Variants in CNGA1 observed in about 807,000 individuals in gnomAD.
The protein encoded by CNGA1 is cyclic nucleotide gated channel subunit alpha 1.
Under a neutral mutation model 69.7 loss-of-function variants are expected in CNGA1, and 53 were observed. The observed-to-expected ratio is 0.76, with a 90% confidence interval of 0.61 to 0.96. The LOEUF (loss-of-function observed/expected upper bound fraction) is 0.96, where lower values mean the gene tolerates loss of function less well. CNGA1 is among the 40% of genes least tolerant of loss of function. CNGA1 has a pLI of 0.00. For synonymous variants in CNGA1, 249 were observed against 283.5 expected, an observed-to-expected ratio of 0.88 and a Z score of 1.22; for missense variants, 739 against 811.2, an observed-to-expected ratio of 0.91 and a Z score of 1.08.
At chr4:47,956,453 G>C (rs1231419173) in intron 3 of CNGA1, among the ~76,000 whole-genome samples, 1 of 152,190 alleles carries the variant, frequency 6.6e-6, no homozygotes. Context: ...GGTTACAAGA[G>C]AGGAAGAAAC....
At position 47,949,888 on chromosome 4, in the gene CNGA1, A is replaced by ACTG; in HGVS notation, c.229_231dup (p.Gln77dup). 6.2e-7 allele frequency: 1 copy of ACTG among 1,614,020 alleles called. No individual in the cohort carries two copies. Among genetic ancestry groups the ACTG allele is most frequent in the South Asian group, 1.1e-5 (1 of 91,080 alleles). On this transcript the variant is annotated inframe_insertion, in exon 6 of 11. Coordinates refer to ENST00000514170, the MANE Select transcript of CNGA1 (RefSeq NM_001379270.1). The stretch of plus-strand genomic sequence containing the variant: ...AAAAGTGCAATGGCACCAGGCAGGT[A>ACTG]CTGCTCCCTGGGAAATGAAAAACAT...
At chr4:47,939,018 AAGAAAGAAAGAAAG>A (rs1260825420) in intron 10 of CNGA1, among the ~76,000 whole-genome samples, 10 of 147,036 alleles carry the variant, frequency 6.8e-5, no homozygotes, top group African/African-American at 2.2e-4. Context: ...AAAGAGAAAG[AAGAAAGAAAGAAAG>A]AGAAAGAAAG....
chr4:47,941,840 G>T (rs1289334886), intron 9 of CNGA1, among the ~76,000 whole-genome samples: 1 of 152,050 alleles, frequency 6.6e-6, no homozygotes, highest in East Asian at 1.9e-4. Context: ...CAGTACTGCA[G>T]ACCCAATTAT....
intron 2 of CNGA1, among the ~76,000 whole-genome samples, chr4:47,992,904 A>T (rs1386992643): frequency 1.3e-5 from 2 of 151,892 alleles, no homozygotes; most frequent in African/African-American, 4.8e-5. Context: ...TCATAAAAGG[A>T]TGTTGGATTT....
At position 47,946,083 on chromosome 4, in the gene CNGA1, C is replaced by G. The variant is rs566287372; in HGVS notation, c.288-2671G>C. The stretch of plus-strand genomic sequence containing the variant: ...AGAGGTGTAAGACCGAGGAGAAGCC[C>G]TTAAGCTGCTTCCCACCTTCTGGCC... On this transcript the variant is annotated intron_variant, in intron 6 of 10. Coordinates refer to ENST00000514170, the MANE Select transcript of CNGA1 (RefSeq NM_001379270.1). 1.4e-3 allele frequency among the ~76,000 whole-genome samples: 207 copies of G among 152,262 alleles called. 1 individual carries two copies. Among genetic ancestry groups the G allele is most frequent in the Non-Finnish European group, 2.3e-3 (159 of 68,016 alleles).
intron 9 of CNGA1, 60 bp from the exon 10 acceptor site, chr4:47,940,929 G>A: frequency 1.8e-6 from 2 of 1,101,116 alleles, no homozygotes; most frequent in Non-Finnish European, 2.8e-6. Context: ...TTAAGTAAAA[G>A]TTCTCTTTGT....
At chr4:47,938,274 A>G (rs549386604) in intron 10 of CNGA1, among the ~76,000 whole-genome samples, 2 of 152,126 alleles carry the variant, frequency 1.3e-5, no homozygotes, top group South Asian at 4.2e-4. Context: ...ATCCAGGTAA[A>G]GCCATTCCTT....
intron 3 of CNGA1, among the ~76,000 whole-genome samples, chr4:47,977,828 A>AT (rs11415776): frequency 0.74 from 110,443 of 148,490 alleles, 41,008 homozygotes; most frequent in Non-Finnish European, 0.76. Flanking sequence ...CATTTAAGTG[A>AT]TTTTTTTTTT....
At position 47,989,793 on chromosome 4, in the gene CNGA1, C is replaced by A. The variant is rs191370277; in HGVS notation, c.-122-8293G>T. ...CTATTTGTAGTCTTTGCTCCCTCACCCCCTTCCCACCCTTTCCCCCTGATT... is the reference window on the plus strand; with the variant it reads ...CTATTTGTAGTCTTTGCTCCCTCACACCCTTCCCACCCTTTCCCCCTGATT... On this transcript the variant is annotated intron_variant, in intron 2 of 10. Coordinates refer to ENST00000514170, the MANE Select transcript of CNGA1 (RefSeq NM_001379270.1). Among the ~76,000 whole-genome samples the A allele has an allele frequency of 7.7e-4, 117 of 151,728 alleles. 1 individual carries two copies. The highest frequency in any genetic ancestry group is 2.7e-3 in the African/African-American group (111 of 41,078).
chr4:47,964,892 C>G (rs1003083481), intron 3 of CNGA1, among the ~76,000 whole-genome samples: 2 of 152,050 alleles, frequency 1.3e-5, no homozygotes, highest in Non-Finnish European at 2.9e-5. Flanking sequence ...TATATTAACT[C>G]TTTACTTTTG....
chr4:47,944,092 T>A (rs930077876), intron 6 of CNGA1, among the ~76,000 whole-genome samples: 6 of 152,164 alleles, frequency 3.9e-5, no homozygotes, highest in Non-Finnish European at 7.4e-5. Flanking sequence ...TCTTAGGAAA[T>A]TTCATTAGCC....
chr4:47,999,748 G>A (rs1051816344), intron 2 of CNGA1, among the ~76,000 whole-genome samples: 1 of 152,152 alleles, frequency 6.6e-6, no homozygotes, highest in Non-Finnish European at 1.5e-5. Flanking sequence ...GCACTCGCCT[G>A]TAGTCCCGGC....
chr4:47,953,744 T>C (rs1172761056), intron 3 of CNGA1, among the ~76,000 whole-genome samples: 3 of 152,114 alleles, frequency 2.0e-5, no homozygotes, highest in Non-Finnish European at 2.9e-5. Flanking sequence ...CTTCCGTTTG[T>C]CTATGATTTC....
At chr4:48,015,095 G>A (rs368839025) in intron 1 of CNGA1, among the ~76,000 whole-genome samples, 50 of 152,148 alleles carry the variant, frequency 3.3e-4, no homozygotes, top group African/African-American at 1.1e-3. Flanking sequence ...GGAGAATGGC[G>A]TGAACCCAGG....
chr4:48,004,795 A>G (rs1367761488), intron 2 of CNGA1, among the ~76,000 whole-genome samples: 1 of 147,886 alleles, frequency 6.8e-6, no homozygotes, highest in East Asian at 2.0e-4. Context: ...CTGAAGTTTA[A>G]GTTGTCTAGC....
chr4:47,954,633 G>C (rs1739952902), intron 3 of CNGA1, among the ~76,000 whole-genome samples: 1 of 152,260 alleles, frequency 6.6e-6, no homozygotes, highest in South Asian at 2.1e-4. Flanking sequence ...TCTGACTGCA[G>C]AGTGGTGAAT....
chr4:47,987,049 C>A (rs1742007723), intron 2 of CNGA1, among the ~76,000 whole-genome samples: 1 of 152,088 alleles, frequency 6.6e-6, no homozygotes, highest in African/African-American at 2.4e-5. Flanking sequence ...ATTAGCTTGA[C>A]CCTGTATACC....
chr4:47,952,384 TAA>T (rs1195175009), intron 4 of CNGA1, among the ~76,000 whole-genome samples, 197 bp downstream of exon 4: 34 of 150,514 alleles, frequency 2.3e-4, no homozygotes, highest in Non-Finnish European at 5.9e-5. Flanking sequence ...AATAAATAAA[TAA>T]ATAAATAAAT....
chr4:47,939,949 C>T (rs1368089433), intron 10 of CNGA1, among the ~76,000 whole-genome samples: 2 of 152,170 alleles, frequency 1.3e-5, no homozygotes, highest in South Asian at 2.1e-4. Flanking sequence ...CTTGCCTTAC[C>T]CCTTCGATGT....
Sources: allele counts gnomAD v4.1 joint callset (sites outside exome capture counted in the v4.1 genomes callset), GRCh38; gene constraint gnomAD v4.1.1; transcripts MANE v1.5; gene names NCBI Gene and HGNC (gene_info 2026-07-23, HGNC 2026-07-21).